The following SNTB1 variants were observed in gnomAD, a reference collection of about 807,000 sequenced individuals.
SNTB1 encodes beta-1-syntrophin.
A neutral mutation model predicts 48.9 loss-of-function variants in SNTB1; 36 were observed. That is an observed-to-expected ratio of 0.74 (90% CI 0.56 to 0.97). The LOEUF is 0.97. Ranked by LOEUF, SNTB1 falls within the 50% of genes least tolerant of loss-of-function variation. SNTB1 has a pLI of 0.00. For missense variants in SNTB1, 786 were observed against 703.4 expected (o/e 1.12, Z -1.33); for synonymous variants, 299 against 294.6 (o/e 1.01, Z -0.15).
intron 1 of SNTB1, among the ~76,000 whole-genome samples, chr8:120,744,455 G>A (rs1415424209): frequency 1.3e-5 from 2 of 152,154 alleles, no homozygotes; most frequent in Non-Finnish European, 2.9e-5. Context: ...CTCATCTGCA[G>A]AAGATGGATC....
intron 1 of SNTB1, among the ~76,000 whole-genome samples, chr8:120,746,044 C>T (rs532873938): frequency 6.6e-6 from 1 of 152,178 alleles, no homozygotes; most frequent in Non-Finnish European, 1.5e-5. Context: ...ACTCATTATC[C>T]ACGACAGTTT....
chr8:120,702,372 C>T (rs1338213566), intron 1 of SNTB1, among the ~76,000 whole-genome samples: 1 of 152,346 alleles, frequency 6.6e-6, no homozygotes, highest in Non-Finnish European at 1.5e-5. Context: ...TTGTTCTGCA[C>T]AGTTCACATG....
Position 120,807,229 on chromosome 8 carries a change from CA to C in SNTB1, c.571+4043del, listed in dbSNP as rs557700032. Among the ~76,000 whole-genome samples the C allele has an allele frequency of 2.9e-3, 435 of 152,288 alleles. 1 individual carries two copies. The highest frequency in any genetic ancestry group is 9.7e-3 in the African/African-American group (403 of 41,558). ...ATTAATTTCCTTGTAGCTTCAGTTA[CA>C]AAAAAGTCGACCTATTTCAAATTAC... On this transcript the variant is annotated intron_variant, in intron 1 of 6. Transcript: ENST00000517992.
At chr8:120,573,990 C>T (rs112118850) in intron 4 of SNTB1, among the ~76,000 whole-genome samples, 2,896 of 152,130 alleles carry the variant, frequency 0.019, 70 homozygotes, top group African/African-American at 0.061. Flanking sequence ...TATAGATGAA[C>T]GGATAAAGAA....
intron 1 of SNTB1, among the ~76,000 whole-genome samples, chr8:120,723,971 C>G (rs1818713194): frequency 6.6e-6 from 1 of 152,184 alleles, no homozygotes; most frequent in South Asian, 2.1e-4. Context: ...GAAGCAAAGA[C>G]TGTGTTGGGA....
intron 1 of SNTB1, among the ~76,000 whole-genome samples, chr8:120,750,622 AG>A (rs1819197067): frequency 6.6e-6 from 1 of 152,162 alleles, no homozygotes. Flanking sequence ...GCTGCCGAAA[AG>A]GGAATTGATT....
At chr8:120,650,708 G>A (rs998688491) in intron 2 of SNTB1, among the ~76,000 whole-genome samples, 3 of 152,168 alleles carry the variant, frequency 2.0e-5, no homozygotes, top group Non-Finnish European at 4.4e-5. Flanking sequence ...GACCTAATTT[G>A]TTATTTGACC....
intron 2 of SNTB1, chr8:120,637,316 C>A: frequency 3.2e-6 from 1 of 311,220 alleles, no homozygotes; most frequent in South Asian, 4.3e-5. Flanking sequence ...GGCTCCTGTC[C>A]TAAGTGTAGA....
chr8:120,641,053 C>T (rs1209391686), intron 2 of SNTB1, among the ~76,000 whole-genome samples: 6 of 150,908 alleles, frequency 4.0e-5, no homozygotes, highest in Admixed American at 2.6e-4. Context: ...TTTTTTTCTT[C>T]CTCTTTCTTC....
chr8:120,549,107 C>A, intron 4 of SNTB1, 149 bp from the exon 5 acceptor site: 1 of 609,366 alleles, frequency 1.6e-6, no homozygotes, highest in Non-Finnish European at 2.8e-6. Flanking sequence ...CTTCTGCCAT[C>A]TCCTCTCCAA....
At chr8:120,620,421 G>A (rs1463192274) in intron 3 of SNTB1, among the ~76,000 whole-genome samples, 1 of 152,052 alleles carries the variant, frequency 6.6e-6, no homozygotes, top group African/African-American at 2.4e-5. Context: ...GTAGCAAACT[G>A]GGGATTAAAA....
At chr8:120,733,282 T>C (rs1208184166) in intron 1 of SNTB1, among the ~76,000 whole-genome samples, 1 of 152,252 alleles carries the variant, frequency 6.6e-6, no homozygotes, top group African/African-American at 2.4e-5. Flanking sequence ...GGTCTATCCA[T>C]GTTAAAAATC....
At chr8:120,666,188 G>A (rs778174056) in intron 2 of SNTB1, among the ~76,000 whole-genome samples, 32 of 152,132 alleles carry the variant, frequency 2.1e-4, no homozygotes, top group Non-Finnish European at 4.3e-4. Flanking sequence ...ATTCCTTTCC[G>A]CAGATACATA....
At chr8:120,556,824 G>A (rs1305669063) in intron 4 of SNTB1, among the ~76,000 whole-genome samples, 3 of 152,186 alleles carry the variant, frequency 2.0e-5, no homozygotes, top group Admixed American at 6.5e-5. Context: ...CCAACTCCCA[G>A]CCAATAAATA....
chr8:120,761,670 T>A (rs573984510), intron 1 of SNTB1, among the ~76,000 whole-genome samples: 1 of 152,348 alleles, frequency 6.6e-6, no homozygotes, highest in African/African-American at 2.4e-5. Flanking sequence ...AGGAGAGATC[T>A]CTTCCGCACC....
intron 1 of SNTB1, among the ~76,000 whole-genome samples, chr8:120,786,505 G>A (rs1339504154): frequency 6.6e-6 from 1 of 152,172 alleles, no homozygotes; most frequent in Non-Finnish European, 1.5e-5. Context: ...AGTTCAGCAT[G>A]GGAACATCTG....
chr8:120,767,510 C>A (rs1392297030), intron 1 of SNTB1, among the ~76,000 whole-genome samples: 1 of 152,128 alleles, frequency 6.6e-6, no homozygotes. Flanking sequence ...ATGTTAACAA[C>A]AAAACACCAA....
At chr8:120,750,164 C>T (rs1436254971) in intron 1 of SNTB1, among the ~76,000 whole-genome samples, 1 of 151,208 alleles carries the variant, frequency 6.6e-6, no homozygotes, top group Non-Finnish European at 1.5e-5. Context: ...CCCTCCCTCC[C>T]TTCCTTCCTT....
intron 1 of SNTB1, among the ~76,000 whole-genome samples, chr8:120,717,559 C>T (rs1346693285): frequency 2.0e-5 from 3 of 152,176 alleles, no homozygotes; most frequent in South Asian, 2.1e-4. Context: ...GCTAAGCCTC[C>T]GAAGCACTGA....
Sources: gnomAD v4.1 joint callset for allele counts (sites outside exome capture counted in the v4.1 genomes callset) on GRCh38, gnomAD v4.1.1 for gene constraint, MANE v1.5 for transcripts, NCBI Gene and HGNC (gene_info 2026-07-23, HGNC 2026-07-21) for gene names.